Variants in PDE7B observed in about 807,000 individuals in gnomAD.
PDE7B encodes phosphodiesterase 7B, also known as 3',5'-cyclic-AMP phosphodiesterase 7B.
PDE7B carries 29 observed loss-of-function variants against 56.2 expected under a neutral mutation model. The observed-to-expected ratio is 0.52, with a 90% CI of 0.38 to 0.70. PDE7B has a LOEUF of 0.70. PDE7B is among the 30% of genes least tolerant of loss of function. The probability of loss-of-function intolerance (pLI) is 0.00; values close to 1 mark genes in which losing one functional copy is unlikely to be tolerated. For synonymous variants in PDE7B, 197 were observed against 196.9 expected (o/e 1.00, Z 0.00); for missense variants, 490 against 565.0 (o/e 0.87, Z 1.35).
chr6:136,013,797 G>A (rs984177465), intron 2 of PDE7B, among the ~76,000 whole-genome samples: 5 of 152,164 alleles, frequency 3.3e-5, no homozygotes, highest in African/African-American at 1.2e-4. Flanking sequence ...TCTTCCTTTT[G>A]TACTTTTCGT....
At position 136,026,990 on chromosome 6, in the gene PDE7B, C is replaced by T. The variant is rs115113916; in HGVS notation, c.82+79466C>T. ...AATATGGATATAATGGTAGAGCCTT[C>T]GTAATTGGATTAGCACCTTTATAGA... On this transcript the variant is annotated intron_variant, in intron 2 of 12. Coordinates refer to ENST00000308191, the MANE Select transcript of PDE7B (RefSeq NM_018945.4). Among the ~76,000 whole-genome samples the T allele has an allele frequency of 6.6e-3, 1,010 of 152,244 alleles. 16 individuals are homozygous for T. Among genetic ancestry groups the T allele is most frequent in the African/African-American group, 0.023 (950 of 41,538 alleles).
chr6:135,898,349 G>GA (rs1452760734), intron 1 of PDE7B, among the ~76,000 whole-genome samples: 1 of 151,928 alleles, frequency 6.6e-6, no homozygotes, highest in Non-Finnish European at 1.5e-5. Flanking sequence ...GAATTCTTTG[G>GA]AAAAAACACA....
At chr6:136,055,011 A>G (rs1375423322) in intron 2 of PDE7B, among the ~76,000 whole-genome samples, 1 of 152,200 alleles carries the variant, frequency 6.6e-6, no homozygotes, top group East Asian at 1.9e-4. Flanking sequence ...TTACAATTCA[A>G]GGTGAGAGCC....
At position 136,151,902 on chromosome 6, in the gene PDE7B, T is replaced by C. The variant is rs377757732; in HGVS notation, c.478+647T>C. 3.3e-5 allele frequency among the ~76,000 whole-genome samples: 5 copies of C among 152,200 alleles called. No individual in the cohort carries two copies. The East Asian group carries it at 9.7e-4, about 29-fold the overall frequency. The stretch of plus-strand genomic sequence containing the variant: ...TTGCAGTGAGCCGAGATTGCGCCAC[T>C]GCACTCCAGCCTGGGCGACAGTGCA... On this transcript the variant is annotated intron_variant, in intron 6 of 12. Coordinates refer to ENST00000308191, the MANE Select transcript of PDE7B (RefSeq NM_018945.4).
At chr6:135,938,471 A>C (rs1312436238) in intron 1 of PDE7B, among the ~76,000 whole-genome samples, 6 of 152,230 alleles carry the variant, frequency 3.9e-5, no homozygotes, top group Admixed American at 3.9e-4. Context: ...TTATTCCCAA[A>C]GTACCTTGAA....
chr6:135,917,142 T>A (rs533450845), intron 1 of PDE7B, among the ~76,000 whole-genome samples: 1 of 152,332 alleles, frequency 6.6e-6, no homozygotes, highest in South Asian at 2.1e-4. Flanking sequence ...GATTGCAGCT[T>A]TATAGCAGGT....
At chr6:135,966,480 G>T (rs996329835) in intron 2 of PDE7B, among the ~76,000 whole-genome samples, 2 of 152,172 alleles carry the variant, frequency 1.3e-5, no homozygotes, top group African/African-American at 4.8e-5. Context: ...GTCTCTTTAT[G>T]ACAGAGCAGG....
chr6:136,183,091 A>AAAG (rs1247759480), intron 11 of PDE7B, among the ~76,000 whole-genome samples: 1 of 148,738 alleles, frequency 6.7e-6, no homozygotes, highest in African/African-American at 2.6e-5. Flanking sequence ...AAAAAAAAAA[A>AAAG]CCCTTTTCTC....
At chr6:135,977,629 C>T (rs1281463082) in intron 2 of PDE7B, among the ~76,000 whole-genome samples, 1 of 151,920 alleles carries the variant, frequency 6.6e-6, no homozygotes, top group East Asian at 1.9e-4. Flanking sequence ...AGGTGGGGAC[C>T]GAGACCAATT....
At chr6:135,980,106 G>A (rs1022804010) in intron 2 of PDE7B, among the ~76,000 whole-genome samples, 3 of 152,046 alleles carry the variant, frequency 2.0e-5, no homozygotes, top group African/African-American at 4.8e-5. Context: ...TAGATCAATG[G>A]AACAGAACAG....
chr6:136,082,249 T>C (rs1327812913), intron 2 of PDE7B, among the ~76,000 whole-genome samples: 1 of 152,164 alleles, frequency 6.6e-6, no homozygotes, highest in Non-Finnish European at 1.5e-5. Context: ...AGCTGTTGCC[T>C]CCTGTTTTTC....
intron 2 of PDE7B, among the ~76,000 whole-genome samples, chr6:136,080,469 T>G (rs1777189275): frequency 6.6e-6 from 1 of 152,178 alleles, no homozygotes; most frequent in South Asian, 2.1e-4. Flanking sequence ...TGTGGAAATA[T>G]GAGAAAAAGA....
chr6:136,189,083 C>A (rs1779183067), intron 12 of PDE7B, among the ~76,000 whole-genome samples: 1 of 152,092 alleles, frequency 6.6e-6, no homozygotes, highest in African/African-American at 2.4e-5. Context: ...GTCCTTATTC[C>A]TCTCTGACTG....
chr6:136,181,772 A>T (rs374018573), intron 11 of PDE7B, among the ~76,000 whole-genome samples: 12 of 152,108 alleles, frequency 7.9e-5, no homozygotes, highest in Admixed American at 5.2e-4. Context: ...AAAAAAAAAA[A>T]AATAATGAAA....
chr6:136,011,551 G>A (rs1482785379), intron 2 of PDE7B, among the ~76,000 whole-genome samples: 2 of 152,182 alleles, frequency 1.3e-5, no homozygotes, highest in African/African-American at 4.8e-5. Context: ...ATATACTTGT[G>A]TCCAAATGTG....
chr6:135,859,059 G>GA (rs545178102), intron 1 of PDE7B, among the ~76,000 whole-genome samples: 434 of 124,712 alleles, frequency 3.5e-3, no homozygotes, highest in Admixed American at 4.9e-3. Context: ...TTCCAGGAGA[G>GA]AAAAAAAAAA....
chr6:136,150,342 G>T (rs1171165521), intron 5 of PDE7B, among the ~76,000 whole-genome samples: 3 of 152,222 alleles, frequency 2.0e-5, no homozygotes. Context: ...ATAGTTTCAG[G>T]TCTCATGTGT....
chr6:136,152,032 C>T lies in PDE7B; in HGVS notation c.478+777C>T, dbSNP rs1267531498. Among the ~76,000 whole-genome samples, 4 of 152,118 alleles carry T rather than the reference C, an allele frequency of 2.6e-5. No homozygotes were observed. The East Asian group carries it at 7.7e-4, about 29-fold the overall frequency. ...GTGGATCATCATAAAGCTCTTCATC[C>T]TTGTCATCTTCACACTGAGTAGGCT... On this transcript the variant is annotated intron_variant, in intron 6 of 12. Coordinates refer to ENST00000308191, the MANE Select transcript of PDE7B (RefSeq NM_018945.4).
chr6:136,050,787 T>C (rs1447973113), intron 2 of PDE7B, among the ~76,000 whole-genome samples: 3 of 152,222 alleles, frequency 2.0e-5, no homozygotes, highest in Non-Finnish European at 4.4e-5. Flanking sequence ...TGGACAGGCC[T>C]AACTCCCACC....
Sources: gnomAD v4.1 joint callset for allele counts (sites outside exome capture counted in the v4.1 genomes callset) on GRCh38, gnomAD v4.1.1 for gene constraint, MANE v1.5 for transcripts, NCBI Gene and HGNC (gene_info 2026-07-23, HGNC 2026-07-21) for gene names.